Variants in STXBP5L observed in about 807,000 individuals in gnomAD.
The protein encoded by STXBP5L is syntaxin binding protein 5L.
STXBP5L carries 65 observed loss-of-function variants against 144.5 expected under a neutral mutation model. The observed-to-expected ratio is 0.45, with a 90% CI of 0.37 to 0.55. The LOEUF is 0.55. STXBP5L is among the 20% of genes least tolerant of loss of function. The pLI is 0.00. For missense variants in STXBP5L, 1,298 were observed against 1,405.5 expected, an observed-to-expected ratio of 0.92 and a Z score of 1.22; for synonymous variants, 505 against 469.6, an observed-to-expected ratio of 1.08 and a Z score of -0.97.
chr3:121,092,891 T>A (rs1352582810), intron 5 of STXBP5L, among the ~76,000 whole-genome samples: 2 of 152,226 alleles, frequency 1.3e-5, no homozygotes, highest in Non-Finnish European at 2.9e-5. Flanking sequence ...CCATTCAGTA[T>A]GATATTGGCT....
At chr3:121,185,980 T>C (rs2047364947) in intron 9 of STXBP5L, among the ~76,000 whole-genome samples, 1 of 152,158 alleles carries the variant, frequency 6.6e-6, no homozygotes, top group Non-Finnish European at 1.5e-5. Context: ...CACTGAGCAG[T>C]GGTTTGTAGT....
intron 3 of STXBP5L, among the ~76,000 whole-genome samples, chr3:120,995,424 A>G (rs1336226455): frequency 6.6e-6 from 1 of 152,194 alleles, no homozygotes. Context: ...CTAGAATTAC[A>G]GGCATAAGCC....
intron 5 of STXBP5L, among the ~76,000 whole-genome samples, chr3:121,064,653 C>T (rs1384710596): frequency 2.6e-5 from 4 of 152,146 alleles, no homozygotes; most frequent in Non-Finnish European, 5.9e-5. Context: ...TCTTTGCTTT[C>T]TCCAGGTAAC....
intron 12 of STXBP5L, among the ~76,000 whole-genome samples, chr3:121,235,844 C>T (rs2877445): frequency 0.49 from 67,657 of 138,926 alleles, 15,542 homozygotes; most frequent in East Asian, 0.71. Context: ...CACACACATA[C>T]ACACACACAC....
At chr3:121,247,732 C>T (rs1240690320) in intron 14 of STXBP5L, among the ~76,000 whole-genome samples, 1 of 152,144 alleles carries the variant, frequency 6.6e-6, no homozygotes, top group Admixed American at 6.5e-5. Context: ...TTGTTGGGTA[C>T]CTAGGTTGAT....
intron 5 of STXBP5L, among the ~76,000 whole-genome samples, chr3:121,049,931 TCTC>T (rs1481134608): frequency 2.6e-5 from 4 of 151,948 alleles, no homozygotes; most frequent in African/African-American, 7.3e-5. Flanking sequence ...TCATGAGAAA[TCTC>T]CTGATCCTGA....
intron 20 of STXBP5L, among the ~76,000 whole-genome samples, chr3:121,376,364 A>C (rs1349455079): frequency 6.6e-6 from 1 of 152,114 alleles, no homozygotes; most frequent in East Asian, 1.9e-4. Flanking sequence ...TTATGGTTTT[A>C]GGCTTTAGGT....
chr3:121,371,006 G>T (rs150497551), intron 20 of STXBP5L, among the ~76,000 whole-genome samples: 1 of 152,028 alleles, frequency 6.6e-6, no homozygotes, highest in African/African-American at 2.4e-5. Flanking sequence ...TTCTATTTCT[G>T]TCATTTCAGC....
At chr3:121,330,007 A>G (rs1386087675) in intron 20 of STXBP5L, among the ~76,000 whole-genome samples, 1 of 152,242 alleles carries the variant, frequency 6.6e-6, no homozygotes, top group Non-Finnish European at 1.5e-5. Context: ...CTGAATAGCA[A>G]AACACTAATA....
chr3:121,024,874 A>G (rs920006602), intron 3 of STXBP5L, among the ~76,000 whole-genome samples: 1 of 152,212 alleles, frequency 6.6e-6, no homozygotes, highest in South Asian at 2.1e-4. Flanking sequence ...ACCCTGGATT[A>G]GAATTCTACT....
chr3:121,400,215 C>G (rs1395406299), intron 22 of STXBP5L, among the ~76,000 whole-genome samples: 1 of 152,330 alleles, frequency 6.6e-6, no homozygotes, highest in East Asian at 1.9e-4. Context: ...AGCAGTCTGC[C>G]TCCCACCTAC....
chr3:121,006,135 T>C (rs1576638201), intron 3 of STXBP5L, among the ~76,000 whole-genome samples: 1 of 152,306 alleles, frequency 6.6e-6, no homozygotes, highest in East Asian at 1.9e-4. Context: ...TTGTTCTGTC[T>C]AATGTTGACA....
At chr3:121,414,646 T>C (rs2047191600) in intron 24 of STXBP5L, among the ~76,000 whole-genome samples, 1 of 152,218 alleles carries the variant, frequency 6.6e-6, no homozygotes, top group Non-Finnish European at 1.5e-5. Context: ...AGTAGTGGCA[T>C]GCAAAAGCCT....
chr3:121,041,058 TTC>T (rs1235906224), intron 3 of STXBP5L, among the ~76,000 whole-genome samples: 1 of 147,136 alleles, frequency 6.8e-6, no homozygotes, highest in Non-Finnish European at 1.5e-5. Flanking sequence ...TGTTTTCTCA[TTC>T]TTTTTTTTTT....
chr3:121,357,847 G>C (rs1047606744), intron 20 of STXBP5L: 4 of 152,120 alleles, frequency 2.6e-5, no homozygotes, highest in African/African-American at 9.7e-5. Context: ...GCATACAAAA[G>C]AGCCACAACC....
intron 3 of STXBP5L, among the ~76,000 whole-genome samples, chr3:121,002,290 C>T (rs898777776): frequency 6.6e-6 from 1 of 152,110 alleles, no homozygotes; most frequent in African/African-American, 2.4e-5. Flanking sequence ...ATTAGTGCTT[C>T]CCTGATGATT....
At chr3:121,342,863 G>A (rs2108587400) in intron 20 of STXBP5L, among the ~76,000 whole-genome samples, 1 of 149,578 alleles carries the variant, frequency 6.7e-6, no homozygotes, top group South Asian at 2.2e-4. Flanking sequence ...TACATACCCA[G>A]TAATGGGATT....
chr3:121,268,547 A>G (rs962089410), intron 18 of STXBP5L, among the ~76,000 whole-genome samples: 2 of 152,116 alleles, frequency 1.3e-5, no homozygotes, highest in African/African-American at 2.4e-5. Context: ...CAGAACTTAA[A>G]GTATAATAAA....
chr3:120,989,648 A>G (rs1246553481), intron 3 of STXBP5L, among the ~76,000 whole-genome samples: 5 of 151,918 alleles, frequency 3.3e-5, no homozygotes, highest in Admixed American at 3.3e-4. Context: ...ATGTTTCTGC[A>G]TTTCTCTTTC....
Sources: allele counts gnomAD v4.1 joint callset (sites outside exome capture counted in the v4.1 genomes callset), GRCh38; gene constraint gnomAD v4.1.1; transcripts MANE v1.5; gene names NCBI Gene and HGNC (gene_info 2026-07-23, HGNC 2026-07-21).